The following STK33 variants were observed in gnomAD, a reference collection of about 807,000 sequenced individuals.
The protein encoded by STK33 is serine/threonine kinase 33, also known as serine/threonine-protein kinase 33.
Under a neutral mutation model 58.0 loss-of-function variants are expected in STK33, and 52 were observed. The ratio of observed to expected loss-of-function variants is 0.90; its 90% CI spans 0.72 to 1.13. STK33 has a LOEUF of 1.13. Among genes scored for constraint, STK33 ranks in the 50% most tolerant of loss-of-function variants. STK33 has a pLI of 0.00. For synonymous variants in STK33, 215 were observed against 200.1 expected (o/e 1.07, Z -0.63); for missense variants, 630 against 604.2 (o/e 1.04, Z -0.45).
chr11:8,351,727 A>G, the STK33 span, among the ~76,000 whole-genome samples: 5 of 152,178 alleles, frequency 3.3e-5, no homozygotes, highest in Admixed American at 3.3e-4. Flanking sequence ...TTCAGCGCTT[A>G]TATGTTCTGC....
chr11:8,366,848 G>A, the STK33 span, among the ~76,000 whole-genome samples: 2 of 152,218 alleles, frequency 1.3e-5, no homozygotes, highest in African/African-American at 2.4e-5. Flanking sequence ...CAGCGCTGAA[G>A]GTTAAAGGGA....
chr11:8,466,026 T>C (rs1209431149), intron 6 of STK33: 9 of 152,144 alleles, frequency 5.9e-5, no homozygotes, highest in Admixed American at 5.9e-4. Flanking sequence ...TCACTATCAT[T>C]AGAACAACAT....
chr11:8,526,284 C>T (rs1156464398), intron 1 of STK33, among the ~76,000 whole-genome samples: 2 of 151,662 alleles, frequency 1.3e-5, no homozygotes, highest in Non-Finnish European at 2.9e-5. Context: ...CCCAGCTACT[C>T]GGGAGGCTGA....
At chr11:8,589,440 T>A (rs1006453007) in intron 1 of STK33, among the ~76,000 whole-genome samples, 4 of 152,192 alleles carry the variant, frequency 2.6e-5, no homozygotes, top group Non-Finnish European at 2.9e-5. Flanking sequence ...TCCATTTATA[T>A]AAAATTTCCA....
At chr11:8,519,719 A>G (rs1203812671) in intron 1 of STK33, among the ~76,000 whole-genome samples, 1 of 144,578 alleles carries the variant, frequency 6.9e-6, no homozygotes, top group African/African-American at 2.7e-5. Flanking sequence ...AAACACCTCT[A>G]CGCAAATAAA....
rs915242449 is a variant in STK33, at chr11:8,537,365, C to T, written c.-466+56718G>A. Reference sequence around the variant, plus strand: ...TCAGCCTCCCAAAGTACTGGGATTACAGGCGTAAACCACCATGCCTGGCCC... The same window carrying T: ...TCAGCCTCCCAAAGTACTGGGATTATAGGCGTAAACCACCATGCCTGGCCC... On this transcript the variant is annotated intron_variant, in intron 1 of 15. Transcript: ENST00000687296. 4.6e-5 allele frequency among the ~76,000 whole-genome samples: 7 copies of T among 152,212 alleles called. No individual in the cohort carries two copies. The East Asian group carries it at 9.7e-4, about 21-fold the overall frequency.
Position 8,452,727 on chromosome 11 carries a change from G to C in STK33, c.871+95C>G. 3 of 1,083,368 alleles carry C rather than the reference G, an allele frequency of 2.8e-6. No individual in the cohort carries two copies. In the South Asian group the frequency reaches 4.1e-5, roughly 15 times the overall value. The allele number at this position is 1,083,368 out of a possible 1,614,324, so 67.1% of individuals were successfully genotyped here. On this transcript the variant is annotated intron_variant, in intron 11 of 15. Coordinates refer to ENST00000687296, the MANE Select transcript of STK33 (RefSeq NM_001352389.2). ...GGCTTGAGCCCAGGAGGTCAAGGCT[G>C]CAGTGAGCCAAGATCATGCCACTGC...
At chr11:8,513,057 G>A (rs1417547622) in intron 1 of STK33, among the ~76,000 whole-genome samples, 3 of 152,058 alleles carry the variant, frequency 2.0e-5, no homozygotes, top group Middle Eastern at 3.2e-3. Flanking sequence ...TTGATTCTTT[G>A]GTTATAAGCG....
chr11:8,493,542 T>C (rs1950810481), intron 1 of STK33, among the ~76,000 whole-genome samples: 1 of 152,210 alleles, frequency 6.6e-6, no homozygotes, highest in Non-Finnish European at 1.5e-5. Context: ...GTACCATTCC[T>C]TCTGAAACGA....
chr11:8,401,675 G>C (rs1336059725), intron 15 of STK33, among the ~76,000 whole-genome samples: 1 of 152,162 alleles, frequency 6.6e-6, no homozygotes, highest in African/African-American at 2.4e-5. Context: ...CCATCAGAGT[G>C]AACAGGCAAC....
intron 1 of STK33, among the ~76,000 whole-genome samples, chr11:8,516,398 G>A (rs1201663302): frequency 1.3e-5 from 2 of 152,190 alleles, no homozygotes; most frequent in Non-Finnish European, 2.9e-5. Context: ...TGGCCGAATA[G>A]GCACAGCTCC....
intron 14 of STK33, among the ~76,000 whole-genome samples, chr11:8,417,225 T>C (rs1444158092): frequency 1.3e-5 from 2 of 152,188 alleles, no homozygotes; most frequent in African/African-American, 2.4e-5. Context: ...AGTTTGATCA[T>C]CTGAAGCTAT....
At chr11:8,417,076 A>G (rs531248301) in intron 14 of STK33, among the ~76,000 whole-genome samples, 2 of 152,316 alleles carry the variant, frequency 1.3e-5, no homozygotes, top group East Asian at 3.9e-4. Flanking sequence ...CAGAACTGTT[A>G]GGGCAGACAC....
intron 1 of STK33, among the ~76,000 whole-genome samples, chr11:8,553,008 T>C (rs1956409247): frequency 6.7e-6 from 1 of 149,986 alleles, no homozygotes; most frequent in Non-Finnish European, 1.5e-5. Flanking sequence ...AAAACTTAAA[T>C]TAGCCAGGCA....
Position 8,509,213 on chromosome 11 carries a change from G to T in STK33, c.-465-28599C>A, listed in dbSNP as rs1395074184. Among the ~76,000 whole-genome samples the T allele has an allele frequency of 4.6e-5, 7 of 151,504 alleles. No individual in the cohort carries two copies. The East Asian group carries it at 1.4e-3, about 29-fold the overall frequency. ...TATTAAGTACACTTCTCATATAAAGGATAAGAGTTCAACGATTAAATCCTA... is the reference window on the plus strand; with the variant it reads ...TATTAAGTACACTTCTCATATAAAGTATAAGAGTTCAACGATTAAATCCTA... On this transcript the variant is annotated intron_variant, in intron 1 of 15. Transcript: ENST00000687296.
At chr11:8,591,644 G>C (rs541335054) in intron 1 of STK33, among the ~76,000 whole-genome samples, 2 of 152,252 alleles carry the variant, frequency 1.3e-5, no homozygotes, top group South Asian at 2.1e-4. Flanking sequence ...AAAAAAAGAG[G>C]TTGCAGCTTC....
At chr11:8,400,756 G>C (rs1434620121) in intron 15 of STK33, among the ~76,000 whole-genome samples, 3 of 152,074 alleles carry the variant, frequency 2.0e-5, no homozygotes, top group African/African-American at 7.2e-5. Flanking sequence ...TAAGCTGATA[G>C]GCAACTTCAG....
intron 1 of STK33, among the ~76,000 whole-genome samples, chr11:8,570,637 C>T (rs986575104): frequency 2.0e-5 from 3 of 152,060 alleles, no homozygotes; most frequent in Admixed American, 6.5e-5. Context: ...ATTCCATTTA[C>T]ATAGAAAATG....
At chr11:8,401,557 TG>T (rs1590763211) in intron 15 of STK33, among the ~76,000 whole-genome samples, 1 of 152,266 alleles carries the variant, frequency 6.6e-6, no homozygotes, top group East Asian at 1.9e-4. Context: ...GACATAGGCA[TG>T]GGCAAGGACT....
Sources: gnomAD v4.1 joint callset for allele counts (sites outside exome capture counted in the v4.1 genomes callset) on GRCh38, gnomAD v4.1.1 for gene constraint, MANE v1.5 for transcripts, NCBI Gene and HGNC (gene_info 2026-07-23, HGNC 2026-07-21) for gene names.